The following SEC16A variants were observed in gnomAD, a reference collection of about 807,000 sequenced individuals.
The protein encoded by SEC16A is protein transport protein Sec16A.
Under a neutral mutation model 221.9 loss-of-function variants are expected in SEC16A, and 110 were observed. That is an observed-to-expected ratio of 0.50 (90% CI 0.42 to 0.58). The LOEUF (loss-of-function observed/expected upper bound fraction) is 0.58, where lower values mean the gene tolerates loss of function less well. Among genes scored for constraint, SEC16A ranks in the 20% least tolerant of loss-of-function variants. SEC16A has a pLI of 0.00. For synonymous variants in SEC16A, 1,393 were observed against 1,257.7 expected, an observed-to-expected ratio of 1.11 and a Z score of -2.28; for missense variants, 3,165 against 3,097.8, an observed-to-expected ratio of 1.02 and a Z score of -0.52.
intron 20 of SEC16A, among the ~76,000 whole-genome samples, chr9:136,454,837 A>T (rs1325399671): frequency 6.6e-6 from 1 of 152,256 alleles, no homozygotes; most frequent in Non-Finnish European, 1.5e-5. Context: ...TAAGGACAGC[A>T]ATCAACCAGG....
chr9:136,477,346 G>C lies in SEC16A; in HGVS notation c.270C>G (p.Pro90=), dbSNP rs1192690291. Residue 90 remains proline (P), a synonymous_variant, in exon 3 of 32, where the codon CCC becomes CCG. Coordinates refer to ENST00000684901, the MANE Select transcript of SEC16A (RefSeq NM_014866.2). ...GPAPAGFSQH[P]GLLVPHTHAR... ...CATGTGTGTGAGGAACAAGCAAACC[G>C]GGGTGCTGAGAAAACCCTGCGGGGG... 3 of 1,613,956 alleles carry C rather than the reference G, an allele frequency of 1.9e-6. No homozygotes were observed. The highest frequency in any genetic ancestry group is 2.2e-5 in the South Asian group (2 of 91,080).
chr9:136,448,012 G>A (rs1837242981), intron 24 of SEC16A, 72 bp downstream of exon 24: 1 of 1,527,436 alleles, frequency 6.5e-7, no homozygotes, highest in African/African-American at 1.4e-5. Flanking sequence ...CACCTACTCA[G>A]GTCTGCTCTG....
At chr9:136,460,242 C>T in intron 13 of SEC16A, 119 bp from the exon 14 acceptor site, 2 of 694,966 alleles carry the variant, frequency 2.9e-6, no homozygotes, top group Non-Finnish European at 5.0e-6. Flanking sequence ...GTGGGCGGAT[C>T]ACCTGAGGTC....
In SEC16A at chr9:136,463,184, C is replaced by T. The variant is rs547621705; in HGVS notation, c.4648-52G>A. The T allele has an allele frequency of 3.0e-5, 47 of 1,590,368 alleles. No individual in the cohort carries two copies. In the South Asian group the frequency reaches 3.6e-4, roughly 12 times the overall value. On this transcript the variant is annotated intron_variant, in intron 11 of 31. Transcript: ENST00000684901. ...GAGAACAACGGCTCTCAGGTGAGGACGCGTTGGACCACCACAGGCACAAAG... is the reference window on the plus strand; with the variant it reads ...GAGAACAACGGCTCTCAGGTGAGGATGCGTTGGACCACCACAGGCACAAAG...
Position 136,459,625 on chromosome 9 carries a change from G to T in SEC16A, c.5192-70C>A. ...GAGCGCTTGCAGAAGTCAAGGACGC[G>T]CACAGAAGGCACCAGAGACGCCAGC... is the stretch of plus-strand genomic sequence containing the variant. On this transcript the variant is annotated intron_variant, in intron 15 of 31. Coordinates refer to ENST00000684901, the MANE Select transcript of SEC16A (RefSeq NM_014866.2). This position sits in a 1 kb window ranked among gnomAD's most constrained non-coding sequence, Gnocchi z 6.1. 7.3e-7 allele frequency: 1 copy of T among 1,368,060 alleles called. No individual in the cohort carries two copies. The highest frequency in any genetic ancestry group is 1.0e-6 in the Non-Finnish European group (1 of 984,924). The allele number at this position is 1,368,060 out of a possible 1,614,324, so 84.7% of individuals were successfully genotyped here.
Position 136,477,702 on chromosome 9 carries a change from A to G in SEC16A, c.-69-18T>C, listed in dbSNP as rs1336175599. On this transcript the variant is annotated intron_variant, in intron 2 of 31. Transcript: ENST00000684901. ...AATTGGAGCTGGAAAAGAAAAAGAG[A>G]AAATCAGCATAAAATCCATATATTC... is the stretch of plus-strand genomic sequence containing the variant. 1 of 1,444,488 alleles carries G rather than the reference A, an allele frequency of 6.9e-7. No homozygotes were observed. The highest frequency in any genetic ancestry group is 2.5e-5 in the East Asian group (1 of 40,272). 89.5% of individuals were successfully genotyped at this position (1,444,488 alleles called of 1,614,324 possible).
chr9:136,475,514 T>C lies in SEC16A; in HGVS notation c.2102A>G (p.Tyr701Cys), dbSNP rs1310113952. 23 of 1,612,502 alleles carry C rather than the reference T, an allele frequency of 1.4e-5. No homozygotes were observed. Among genetic ancestry groups the C allele is most frequent in the East Asian group, 2.2e-5 (1 of 44,854 alleles). Residue 701 changes from tyrosine to cysteine, a missense_variant, in exon 3 of 32, where the codon TAT becomes TGT. This residue lies in a region of SEC16A where 2,030 missense variants were observed against 1,923.1 expected (regional missense o/e 1.06). Coordinates refer to ENST00000684901, the MANE Select transcript of SEC16A (RefSeq NM_014866.2). The surrounding 1 kb of genome is among the most constrained non-coding windows in gnomAD (Gnocchi z 5.0). Reference sequence around the variant, plus strand: ...TGAAGGCCTCTTCTCGGGTGCTGGATACACAGTATCCAAGGGCGGTGCCCC... The same window carrying C: ...TGAAGGCCTCTTCTCGGGTGCTGGACACACAGTATCCAAGGGCGGTGCCCC... ...HAGAPPLDTV[Y>C]PAPEKRPSAR...
intron 4 of SEC16A, among the ~76,000 whole-genome samples, chr9:136,468,831 T>G (rs867391049): frequency 3.9e-5 from 6 of 152,168 alleles, no homozygotes; most frequent in African/African-American, 1.4e-4. Flanking sequence ...TTATGCTCAG[T>G]AGAGGACAAA....
Position 136,459,795 on chromosome 9 carries a change from A to T in SEC16A, c.5153T>A (p.Val1718Asp). Residue 1718 changes from valine to aspartate, a missense_variant, in exon 15 of 32, where the codon GTC becomes GAC. Val to Asp is a radical substitution (Grantham distance 152). Coordinates refer to ENST00000684901, the MANE Select transcript of SEC16A (RefSeq NM_014866.2). The surrounding 1 kb of genome is among the most constrained non-coding windows in gnomAD (Gnocchi z 6.1). ...CATGGTAGCCATCGTCCTGGACTCG[A>T]CGTCCATGTTGTTGTTCAAGTTGGA... ...VLSNLNNNMD[V>D]ESRTMATMGD... is the part of the protein sequence containing the mutation. 6.2e-7 allele frequency: 1 copy of T among 1,612,834 alleles called. No homozygotes were observed. Among genetic ancestry groups the T allele is most frequent in the South Asian group, 1.1e-5 (1 of 90,728 alleles).
chr9:136,464,408 G>GTGTGCCATTAA lies in SEC16A; in HGVS notation c.4446+11_4446+12insTTAATGGCACA, dbSNP rs752776344. 3 of 1,593,426 alleles carry GTGTGCCATTAA rather than the reference G, an allele frequency of 1.9e-6. No homozygotes were observed. Among genetic ancestry groups the GTGTGCCATTAA allele is most frequent in the Admixed American group, 1.7e-5 (1 of 58,724 alleles). ...CAGAGCAGTGACGCCACGCTTCTGC[G>GTGTGCCATTAA]TGTGCCATTACCTCCATGCTGTGGA... On this transcript the variant is annotated intron_variant, in intron 9 of 31. Transcript: ENST00000684901.
intron 17 of SEC16A, among the ~76,000 whole-genome samples, chr9:136,458,130 ATTTTTTT>A (rs1222002410): frequency 2.1e-4 from 24 of 116,224 alleles, no homozygotes; most frequent in African/African-American, 5.9e-4. Context: ...TAATTTTTGT[ATTTTTTT>A]TTTTTTTTTT....
In SEC16A at chr9:136,466,991, C is replaced by T. The variant is rs376172438; in HGVS notation, c.3895G>A (p.Ala1299Thr). The change falls in exon 6 of 32, where the codon GCA (alanine) becomes ACA (threonine). Residue 1299 changes from alanine (A) to threonine (T), a missense_variant. Around this residue, in one of 3 missense-constraint regions of SEC16A, gnomAD observed 2,030 missense variants for 1,923.1 expected, o/e 1.06. Transcript: ENST00000684901. This position sits in a 1 kb window ranked among gnomAD's most constrained non-coding sequence, Gnocchi z 5.5. ...AAGGCAGAGTGCTCTCTCCTGTATGCGTCATACTCTGCATCACACCAATAC... is the reference window on the plus strand; with the variant it reads ...AAGGCAGAGTGCTCTCTCCTGTATGTGTCATACTCTGCATCACACCAATAC... The part of the protein sequence containing the change: ...RRYWCDAEYD[A>T]YRREHSAFGD... The T allele has an allele frequency of 1.2e-5, 19 of 1,613,708 alleles. 1 individual carries two copies. The highest frequency in any genetic ancestry group is 4.5e-5 in the East Asian group (2 of 44,890).
In SEC16A at chr9:136,466,205, A is replaced by C; in HGVS notation, c.4128+59T>G. On this transcript the variant is annotated intron_variant, in intron 7 of 31. Coordinates refer to ENST00000684901, the MANE Select transcript of SEC16A (RefSeq NM_014866.2). This position sits in a 1 kb window ranked among gnomAD's most constrained non-coding sequence, Gnocchi z 5.5. Reference sequence around the variant, plus strand: ...AGCAGTAAAACTTTAGGTACATTGCAAACAGGATGGTGGTTCTAAACACAA... The same window carrying C: ...AGCAGTAAAACTTTAGGTACATTGCCAACAGGATGGTGGTTCTAAACACAA... 6.4e-7 allele frequency: 1 copy of C among 1,570,550 alleles called. No homozygotes were observed. The highest frequency in any genetic ancestry group is 2.3e-5 in the East Asian group (1 of 44,352).
rs1028811822 is a variant in SEC16A at position 136,453,370 on chromosome 9, G to A, written c.6159+58C>T. Reference sequence around the variant, plus strand: ...TCTTACAACTCAACAAGGAGTCTGGGTGCCCACTCGATGAACTTTATGGAA... The same window carrying A: ...TCTTACAACTCAACAAGGAGTCTGGATGCCCACTCGATGAACTTTATGGAA... On this transcript the variant is annotated intron_variant, in intron 22 of 31. Coordinates refer to ENST00000684901, the MANE Select transcript of SEC16A (RefSeq NM_014866.2). The A allele has an allele frequency of 8.3e-5, 103 of 1,245,856 alleles. 2 individuals are homozygous for A. The highest frequency in any genetic ancestry group is 1.1e-4 in the Non-Finnish European group (92 of 849,282). The allele number at this position is 1,245,856 out of a possible 1,614,324, so 77.2% of individuals were successfully genotyped here. A position where few individuals can be genotyped will look rare whatever the true frequency, so the allele number is the denominator to read the frequency against.
At chr9:136,455,049 G>T (rs1156437239) in intron 20 of SEC16A, among the ~76,000 whole-genome samples, 1 of 152,196 alleles carries the variant, frequency 6.6e-6, no homozygotes, top group African/African-American at 2.4e-5. Flanking sequence ...AGAGTCTGGA[G>T]GGTCTGGGGA....
chr9:136,484,527 A>C, upstream of SEC16A: 1 of 1,278,500 alleles, frequency 7.8e-7, no homozygotes, highest in Non-Finnish European at 1.0e-6. Context: ...CTCCTTCCAG[A>C]GGGCAGGCGC....
In SEC16A at chr9:136,475,250, T is replaced by C. The variant is rs1841463317; in HGVS notation, c.2366A>G (p.Glu789Gly). 1.2e-6 allele frequency: 2 copies of C among 1,613,628 alleles called. No individual in the cohort carries two copies. Among genetic ancestry groups the C allele is most frequent in the Non-Finnish European group, 1.7e-6 (2 of 1,179,886 alleles). ...VQSRGGIGAS[E>G]NLENPPKMGE... ...CATTTTGGGAGGATTCTCAAGGTTC[T>C]CAGAAGCACCAATGCCACCTCGGCT... Residue 789 changes from glutamate to glycine, a missense_variant, in exon 3 of 32, where the codon GAG (glutamate) becomes GGG (glycine). Transcript: ENST00000684901. The surrounding 1 kb of genome is among the most constrained non-coding windows in gnomAD (Gnocchi z 5.0).
rs889255301 is a variant in SEC16A at position 136,459,658 on chromosome 9, A to C, written c.5191+99T>G. 7.3e-7 allele frequency: 1 copy of C among 1,371,414 alleles called. No individual in the cohort carries two copies. 85.0% of individuals were successfully genotyped at this position (1,371,414 alleles called of 1,614,324 possible). On this transcript the variant is annotated intron_variant, in intron 15 of 31. Transcript: ENST00000684901. This position sits in a 1 kb window ranked among gnomAD's most constrained non-coding sequence, Gnocchi z 6.1. ...GGCACCAGAGACGCCAGCCGGACCG[A>C]GAAGGCCGGGTTCTGGTGATTTCTG... is the stretch of plus-strand genomic sequence containing the variant.
chr9:136,464,024 C>A (rs1839837931), intron 9 of SEC16A, among the ~76,000 whole-genome samples: 1 of 152,256 alleles, frequency 6.6e-6, no homozygotes, highest in South Asian at 2.1e-4. Context: ...GCAGAAGCTG[C>A]AGGAAGAGGC....
Sources: gnomAD v4.1 joint callset for allele counts (sites outside exome capture counted in the v4.1 genomes callset) on GRCh38, gnomAD v4.1.1 for gene constraint, gnomAD v4.1.1 regional missense constraint, Gnocchi (gnomAD v3.1) non-coding constraint, MANE v1.5 for transcripts, NCBI Gene and HGNC (gene_info 2026-07-23, HGNC 2026-07-21) for gene names.